GALNTL6: variants seen among roughly 807,000 people sequenced by gnomAD.
The protein encoded by GALNTL6 is polypeptide N-acetylgalactosaminyltransferase like 6, also known as polypeptide N-acetylgalactosaminyltransferase-like 6.
Under a neutral mutation model 73.7 loss-of-function variants are expected in GALNTL6, and 46 were observed. The ratio of observed to expected loss-of-function variants is 0.62; its 90% CI spans 0.49 to 0.80. The LOEUF is 0.80. Ranked by LOEUF, GALNTL6 falls within the 30% of genes least tolerant of loss-of-function variation. The pLI is 0.00. For missense variants in GALNTL6, 604 were observed against 755.0 expected (o/e 0.80, Z 2.34); for synonymous variants, 259 against 263.7 (o/e 0.98, Z 0.17).
Position 172,961,196 on chromosome 4 carries a change from C to T in GALNTL6, c.1371+8938C>T, listed in dbSNP as rs2653833. On this transcript the variant is annotated intron_variant, in intron 10 of 12. Transcript: ENST00000506823. ...GAAGGGGTGGGGGGTGCTTGCCCTC[C>T]AGGAAAGTGGAGAAGGGGTAGAGAC... 2.5e-3 allele frequency among the ~76,000 whole-genome samples: 309 copies of T among 125,198 alleles called. 3 individuals are homozygous for T. The highest frequency in any genetic ancestry group is 0.01 in the African/African-American group (292 of 29,080). The allele number at this position is 125,198 out of a possible 152,430, so 82.1% of individuals were successfully genotyped here.
At chr4:171,942,269 T>TAAATAATAA (rs1423565851) in intron 2 of GALNTL6, among the ~76,000 whole-genome samples, 1 of 144,148 alleles carries the variant, frequency 6.9e-6, no homozygotes. Flanking sequence ...TAAATAAATA[T>TAAATAATAA]AATATACAGA....
Position 172,990,676 on chromosome 4 carries a change from T to C in GALNTL6, c.1372-18502T>C, listed in dbSNP as rs148444510. The stretch of plus-strand genomic sequence containing the variant: ...ATTATAAACTGCCGTTTGTAAAGGA[T>C]CAAAACAAGATAACAATTATCTGTG... On this transcript the variant is annotated intron_variant, in intron 10 of 12. Transcript: ENST00000506823. Among the ~76,000 whole-genome samples the C allele has an allele frequency of 4.3e-3, 660 of 152,164 alleles. 5 individuals are homozygous for C. The highest frequency in any genetic ancestry group is 0.015 in the African/African-American group (631 of 41,510).
intron 2 of GALNTL6, among the ~76,000 whole-genome samples, chr4:172,085,087 A>G (rs1731991330): frequency 6.6e-6 from 1 of 152,208 alleles, no homozygotes; most frequent in Non-Finnish European, 1.5e-5. Context: ...AATAATACAT[A>G]TAAATAGCTA....
At chr4:172,716,915 A>G (rs1735139810) in intron 5 of GALNTL6, among the ~76,000 whole-genome samples, 1 of 152,172 alleles carries the variant, frequency 6.6e-6, no homozygotes, top group South Asian at 2.1e-4. Context: ...GTCATTTTTC[A>G]TATGCTATGT....
chr4:172,412,181 C>T (rs1744467172), intron 5 of GALNTL6, among the ~76,000 whole-genome samples: 1 of 152,154 alleles, frequency 6.6e-6, no homozygotes, highest in South Asian at 2.1e-4. Context: ...GTGCCTAAGA[C>T]TACAGATTCA....
At chr4:172,691,087 G>A (rs895947195) in intron 5 of GALNTL6, among the ~76,000 whole-genome samples, 1 of 152,208 alleles carries the variant, frequency 6.6e-6, no homozygotes, top group Non-Finnish European at 1.5e-5. Flanking sequence ...GTGAGCACTG[G>A]AGGAGGCAGG....
At chr4:172,254,725 T>C (rs1738013173) in intron 3 of GALNTL6, among the ~76,000 whole-genome samples, 1 of 151,720 alleles carries the variant, frequency 6.6e-6, no homozygotes, top group Non-Finnish European at 1.5e-5. Context: ...AGTGTACTGG[T>C]TTTTAGTTCC....
chr4:172,833,069 TTA>T (rs1335001852), intron 7 of GALNTL6, among the ~76,000 whole-genome samples: 2 of 151,518 alleles, frequency 1.3e-5, no homozygotes, highest in East Asian at 3.9e-4. Context: ...TGTGTGTGTG[TTA>T]TGTGTGTGCG....
At chr4:172,805,984 A>G (rs1740935032) in intron 5 of GALNTL6, among the ~76,000 whole-genome samples, 1 of 152,218 alleles carries the variant, frequency 6.6e-6, no homozygotes, top group Non-Finnish European at 1.5e-5. Context: ...AAGTTTTAAA[A>G]TAAGAAAAAG....
chr4:172,135,878 G>A (rs1427176416), intron 2 of GALNTL6, among the ~76,000 whole-genome samples: 1 of 152,090 alleles, frequency 6.6e-6, no homozygotes, highest in Non-Finnish European at 1.5e-5. Context: ...TTTGGAAGTT[G>A]AAACACTAGT....
chr4:172,270,113 T>C (rs1402504822), intron 3 of GALNTL6, among the ~76,000 whole-genome samples: 2 of 152,122 alleles, frequency 1.3e-5, no homozygotes, highest in Non-Finnish European at 2.9e-5. Context: ...TATCTCACCA[T>C]TATTTTTCTA....
intron 2 of GALNTL6, among the ~76,000 whole-genome samples, chr4:172,024,564 A>G (rs932836163): frequency 1.3e-5 from 2 of 151,918 alleles, no homozygotes; most frequent in Non-Finnish European, 2.9e-5. Context: ...TCAATTCCCA[A>G]TATATGACAA....
chr4:172,848,925 A>C (rs1379858102), intron 7 of GALNTL6, among the ~76,000 whole-genome samples: 1 of 152,176 alleles, frequency 6.6e-6, no homozygotes, highest in Non-Finnish European at 1.5e-5. Flanking sequence ...TGTTTTCAAC[A>C]AACACCACAG....
intron 5 of GALNTL6, among the ~76,000 whole-genome samples, chr4:172,626,271 G>C (rs1739167947): frequency 6.6e-6 from 1 of 152,102 alleles, no homozygotes; most frequent in South Asian, 2.1e-4. Flanking sequence ...ATATTGAATA[G>C]AAAGTCCTTT....
At chr4:172,542,478 A>G (rs1475038830) in intron 5 of GALNTL6, among the ~76,000 whole-genome samples, 1 of 152,100 alleles carries the variant, frequency 6.6e-6, no homozygotes, top group East Asian at 1.9e-4. Flanking sequence ...GAGGACTCCT[A>G]TACCCTTACC....
intron 2 of GALNTL6, among the ~76,000 whole-genome samples, chr4:171,925,462 A>G (rs945993051): frequency 6.6e-6 from 1 of 152,216 alleles, no homozygotes; most frequent in Admixed American, 6.5e-5. Context: ...AGAACAAATC[A>G]GAGTGGTGAT....
chr4:171,905,610 C>T, intron 2 of GALNTL6, among the ~76,000 whole-genome samples: 1 of 149,970 alleles, frequency 6.7e-6, no homozygotes, highest in East Asian at 1.9e-4. Context: ...CAAGGATACC[C>T]AGGAATTGAA....
chr4:172,858,962 G>C (rs759111800), intron 7 of GALNTL6, among the ~76,000 whole-genome samples: 3 of 143,670 alleles, frequency 2.1e-5, no homozygotes, highest in Non-Finnish European at 4.6e-5. Flanking sequence ...ATGGTCTCTT[G>C]AAAAAAAATA....
chr4:172,976,635 G>T (rs1750824078), intron 10 of GALNTL6, among the ~76,000 whole-genome samples: 1 of 152,194 alleles, frequency 6.6e-6, no homozygotes, highest in South Asian at 2.1e-4. Context: ...TTTTAAAATA[G>T]AAAGAATACT....
Sources: gnomAD v4.1 joint callset for allele counts (sites outside exome capture counted in the v4.1 genomes callset) on GRCh38, gnomAD v4.1.1 for gene constraint, MANE v1.5 for transcripts, NCBI Gene and HGNC (gene_info 2026-07-23, HGNC 2026-07-21) for gene names.